The following SORCS3 variants were observed in gnomAD, a reference collection of about 807,000 sequenced individuals.
SORCS3 encodes the protein VPS10 domain-containing receptor SorCS3.
SORCS3 carries 57 observed loss-of-function variants against 146.3 expected under a neutral mutation model. The observed-to-expected ratio is 0.39, with a 90% CI of 0.31 to 0.49. The LOEUF (loss-of-function observed/expected upper bound fraction) is 0.49. Among genes scored for constraint, SORCS3 ranks in the 20% least tolerant of loss-of-function variants. SORCS3 has a pLI of 0.92. For synonymous variants in SORCS3, 653 were observed against 618.5 expected (o/e 1.06, Z -0.83); for missense variants, 1,341 against 1,575.5 (o/e 0.85, Z 2.52).
chr10:105,080,020 T>A (rs577999693), intron 5 of SORCS3, among the ~76,000 whole-genome samples: 16 of 152,294 alleles, frequency 1.1e-4, no homozygotes, highest in Admixed American at 3.3e-4. Context: ...CAATGAACAT[T>A]CACGCGCATG....
chr10:105,063,048 CTGAAT>C (rs2055498586), intron 5 of SORCS3, among the ~76,000 whole-genome samples: 1 of 152,200 alleles, frequency 6.6e-6, no homozygotes, highest in Admixed American at 6.5e-5. Context: ...TCGCTAATTG[CTGAAT>C]GATTTTATTA....
intron 1 of SORCS3, among the ~76,000 whole-genome samples, chr10:104,769,619 A>G (rs1430814331): frequency 2.6e-5 from 4 of 152,288 alleles, no homozygotes; most frequent in Middle Eastern, 3.4e-3. Context: ...AAGACTTGTT[A>G]GAGCCAGGGG....
chr10:105,128,342 T>A (rs2055991059), intron 7 of SORCS3, among the ~76,000 whole-genome samples: 2 of 152,072 alleles, frequency 1.3e-5, no homozygotes, highest in African/African-American at 2.4e-5. Context: ...CCGTCTACTG[T>A]TGTCCCAAAA....
At chr10:105,086,949 A>G (rs1029367521) in intron 5 of SORCS3, among the ~76,000 whole-genome samples, 3 of 152,094 alleles carry the variant, frequency 2.0e-5, no homozygotes, top group Non-Finnish European at 2.9e-5. Context: ...CTTTTGTTGC[A>G]ATTGCTTTTG....
Position 105,009,527 on chromosome 10 carries a change from C to CAA in SORCS3, c.954+32057_954+32058dup, listed in dbSNP as rs35368294. 4.4e-3 allele frequency among the ~76,000 whole-genome samples: 461 copies of CAA among 105,090 alleles called. 3 individuals carry two copies. The highest frequency in any genetic ancestry group is 7.4e-3 in the Non-Finnish European group (362 of 48,676). 68.9% of individuals were successfully genotyped at this position (105,090 alleles called of 152,430 possible). ...AAAAACAAACAAACAAACAAACAAA[C>CAA]AAAAAAAAAAAAAAAAAAAAAAAAC... On this transcript the variant is annotated intron_variant, in intron 4 of 26. Transcript: ENST00000369701.
intron 5 of SORCS3, among the ~76,000 whole-genome samples, chr10:105,058,430 C>A (rs757954873): frequency 3.3e-5 from 5 of 152,216 alleles, no homozygotes; most frequent in Non-Finnish European, 5.9e-5. Context: ...TGAAATAGAA[C>A]AAATGGAGTT....
chr10:104,679,000 C>T (rs1217903487), intron 1 of SORCS3, among the ~76,000 whole-genome samples: 1 of 152,158 alleles, frequency 6.6e-6, no homozygotes, highest in Non-Finnish European at 1.5e-5. Flanking sequence ...AAGTTCTAAA[C>T]ATTTGAAGGG....
chr10:105,214,717 A>G lies in SORCS3; in HGVS notation c.2547+104A>G, dbSNP rs891851156. On this transcript the variant is annotated intron_variant, in intron 18 of 26. Transcript: ENST00000369701. The stretch of plus-strand genomic sequence containing the variant: ...CCCACAGACCCCTGCACCAAAGTCA[A>G]TGGTGAGAAGCTGAAATTTCTGGAA... 28 of 1,121,330 alleles carry G rather than the reference A, an allele frequency of 2.5e-5. No individual in the cohort carries two copies. In the Admixed American group the frequency reaches 5.1e-4, roughly 20 times the overall value. The allele number at this position is 1,121,330 out of a possible 1,614,324, so 69.5% of individuals were successfully genotyped here.
intron 1 of SORCS3, among the ~76,000 whole-genome samples, chr10:104,832,416 C>T (rs2018010635): frequency 6.6e-6 from 1 of 152,110 alleles, no homozygotes; most frequent in Admixed American, 6.5e-5. Flanking sequence ...TTTCAGCTTC[C>T]AGTTCAATAG....
At chr10:105,046,378 G>A (rs1006203058) in intron 5 of SORCS3, among the ~76,000 whole-genome samples, 4 of 151,990 alleles carry the variant, frequency 2.6e-5, no homozygotes, top group African/African-American at 4.8e-5. Flanking sequence ...ATGAGTGTCC[G>A]GTTTCTTCTC....
rs76455608 is a variant in SORCS3, at chr10:104,715,766, C to A, written c.627+73812C>A. Among the ~76,000 whole-genome samples, 67 of 152,248 alleles carry A rather than the reference C, an allele frequency of 4.4e-4. 2 individuals carry two copies. The East Asian group carries it at 0.013, about 29-fold the overall frequency. Reference sequence around the variant, plus strand: ...GTTCTTATCACCTCCACTGGTAAAACCCTGGTGTAGTCACCTTGATCTCTC... The same window carrying A: ...GTTCTTATCACCTCCACTGGTAAAAACCTGGTGTAGTCACCTTGATCTCTC... On this transcript the variant is annotated intron_variant, in intron 1 of 26. Coordinates refer to ENST00000369701, the MANE Select transcript of SORCS3 (RefSeq NM_014978.3).
rs561906934 is a variant in SORCS3, at chr10:105,139,506, C to T, written c.1302+20C>T. On this transcript the variant is annotated intron_variant, in intron 8 of 26. Transcript: ENST00000369701. ...CCAAAGGTACTGCATGCACCACTAG[C>T]GGTCCTGGGTCCCTCTAGGCAAAGG... is the stretch of plus-strand genomic sequence containing the variant. 46 of 1,593,754 alleles carry T rather than the reference C, an allele frequency of 2.9e-5. No individual in the cohort carries two copies. The highest frequency in any genetic ancestry group is 1.4e-4 in the South Asian group (13 of 90,454).
At chr10:104,995,939 A>G (rs2055024339) in intron 4 of SORCS3, among the ~76,000 whole-genome samples, 1 of 152,226 alleles carries the variant, frequency 6.6e-6, no homozygotes, top group South Asian at 2.1e-4. Context: ...TATATAGTGC[A>G]AGATATAGAT....
At chr10:105,022,050 G>T (rs1189652085) in intron 4 of SORCS3, among the ~76,000 whole-genome samples, 1 of 152,162 alleles carries the variant, frequency 6.6e-6, no homozygotes, top group African/African-American at 2.4e-5. Context: ...TGGGGAAAGA[G>T]GGATAAATAG....
At chr10:104,963,062 A>G (rs2133636528) in intron 3 of SORCS3, among the ~76,000 whole-genome samples, 1 of 152,328 alleles carries the variant, frequency 6.6e-6, no homozygotes, top group East Asian at 1.9e-4. Flanking sequence ...CACTTTAGTC[A>G]TTATCCTATC....
chr10:105,085,154 C>T (rs1376755882), intron 5 of SORCS3, among the ~76,000 whole-genome samples: 2 of 152,180 alleles, frequency 1.3e-5, no homozygotes, highest in African/African-American at 4.8e-5. Context: ...TGGTAGAGGC[C>T]AGGGATGCTG....
intron 1 of SORCS3, among the ~76,000 whole-genome samples, chr10:104,749,048 A>G (rs1190342441): frequency 6.6e-6 from 1 of 152,164 alleles, no homozygotes; most frequent in African/African-American, 2.4e-5. Flanking sequence ...TCACCACTCC[A>G]TGGGGGGCAG....
chr10:105,205,373 G>A (rs1452897809), intron 16 of SORCS3, among the ~76,000 whole-genome samples: 1 of 152,126 alleles, frequency 6.6e-6, no homozygotes, highest in Non-Finnish European at 1.5e-5. Context: ...TTTCTCCAGA[G>A]CGAGTATCAG....
chr10:104,699,773 G>T (rs2016258416), intron 1 of SORCS3, among the ~76,000 whole-genome samples: 1 of 152,114 alleles, frequency 6.6e-6, no homozygotes, highest in Admixed American at 6.6e-5. Context: ...AACCACAAAG[G>T]TAATCAGGAA....
Sources: gnomAD v4.1 joint callset for allele counts (sites outside exome capture counted in the v4.1 genomes callset) on GRCh38, gnomAD v4.1.1 for gene constraint, MANE v1.5 for transcripts, NCBI Gene and HGNC (gene_info 2026-07-23, HGNC 2026-07-21) for gene names.